Variants in ZNF69 observed in about 807,000 individuals in gnomAD.
ZNF69 encodes the protein zinc finger protein 69, also known as ZNF3.
Under a neutral mutation model 50.9 loss-of-function variants are expected in ZNF69, and 47 were observed. That is an observed-to-expected ratio of 0.92 (90% CI 0.73 to 1.18). ZNF69 has a LOEUF of 1.18. ZNF69 is among the 50% of genes most tolerant of loss of function. The pLI, the probability that ZNF69 is intolerant of heterozygous loss-of-function variation, is 0.00. For synonymous variants in ZNF69, 216 were observed against 223.1 expected, an observed-to-expected ratio of 0.97 and a Z score of 0.29; for missense variants, 717 against 675.1, an observed-to-expected ratio of 1.06 and a Z score of -0.69.
chr19:11,925,091 T>G, the ZNF69 span: 5 of 1,143,214 alleles, frequency 4.4e-6, no homozygotes, highest in East Asian at 8.4e-5. Context: ...CATCCGGAAA[T>G]GGAGGGGGTC....
At chr19:11,978,121 T>TCATAG in the ZNF69 span, 1 of 1,611,654 alleles carries the variant, frequency 6.2e-7, no homozygotes. Context: ...GACAGGAGTC[T>TCATAG]CATAGAAGGG....
the ZNF69 span, among the ~76,000 whole-genome samples, chr19:11,977,631 G>A: frequency 2.0e-5 from 3 of 152,212 alleles, no homozygotes; most frequent in Non-Finnish European, 4.4e-5. Context: ...AGTGGAGATA[G>A]GAGGATAGCT....
At chr19:11,978,370 C>T in the ZNF69 span, 3 of 1,614,142 alleles carry the variant, frequency 1.9e-6, no homozygotes, top group Non-Finnish European at 2.5e-6. Flanking sequence ...TGTCAACAAC[C>T]TAAGAAAGCC....
chr19:11,971,876 A>G, the ZNF69 span, among the ~76,000 whole-genome samples: 73 of 152,244 alleles, frequency 4.8e-4, no homozygotes, highest in Middle Eastern at 0.014. Flanking sequence ...CCAGCCTGAC[A>G]AACGTGGAGG....
At chr19:11,897,765 G>C (rs1415690486) in intron 1 of ZNF69, among the ~76,000 whole-genome samples, 1 of 150,088 alleles carries the variant, frequency 6.7e-6, no homozygotes, top group African/African-American at 2.5e-5. Context: ...CCAGCTACTC[G>C]GGAGGCTGAG....
At chr19:11,925,306 G>C in the ZNF69 span, 1 of 1,607,946 alleles carries the variant, frequency 6.2e-7, no homozygotes, top group Non-Finnish European at 8.5e-7. Flanking sequence ...CGTGAGACGG[G>C]GGAGGGGCTG....
At chr19:11,904,024 T>C in intron 3 of ZNF69, 59 bp downstream of exon 3, 2 of 1,543,322 alleles carry the variant, frequency 1.3e-6, no homozygotes, top group Non-Finnish European at 1.8e-6. Flanking sequence ...AATATGACAA[T>C]ATATTAAAAA....
the ZNF69 span, among the ~76,000 whole-genome samples, chr19:11,970,544 A>G: frequency 6.6e-6 from 1 of 152,250 alleles, no homozygotes; most frequent in Non-Finnish European, 1.5e-5. Flanking sequence ...TAGTAGATTG[A>G]TTATTCTCCT....
the ZNF69 span, among the ~76,000 whole-genome samples, chr19:11,951,084 G>C: frequency 6.8e-6 from 1 of 146,130 alleles, no homozygotes; most frequent in Non-Finnish European, 1.5e-5. Context: ...CTGGGAGGCG[G>C]AGGTTGCAGT....
chr19:11,910,741 A>C (rs1052292686), downstream of ZNF69, among the ~76,000 whole-genome samples: 11 of 152,114 alleles, frequency 7.2e-5, no homozygotes, highest in African/African-American at 1.4e-4. Context: ...CTAGGCAGTA[A>C]CATTCAGGAC....
chr19:11,955,894 T>C, the ZNF69 span, among the ~76,000 whole-genome samples: 2 of 152,288 alleles, frequency 1.3e-5, no homozygotes, highest in African/African-American at 4.8e-5. Flanking sequence ...TGCTTTGTTA[T>C]GGAAATCATA....
intron 1 of ZNF69, among the ~76,000 whole-genome samples, chr19:11,901,998 T>G (rs1972255639): frequency 1.4e-5 from 2 of 146,492 alleles, no homozygotes; most frequent in Admixed American, 1.3e-4. Flanking sequence ...TTTTTTTTTT[T>G]GAATCGGAGT....
chr19:11,949,028 A>C, the ZNF69 span: 3 of 1,607,304 alleles, frequency 1.9e-6, no homozygotes, highest in Admixed American at 5.2e-5. Context: ...AAACCGTATG[A>C]ATGTAAGCAA....
Position 11,906,186 on chromosome 19 carries a change from A to G in ZNF69, c.*88A>G. 1.3e-6 allele frequency: 2 copies of G among 1,559,450 alleles called. No homozygotes were observed. Among genetic ancestry groups the G allele is most frequent in the Admixed American group, 4.2e-5 (2 of 47,920 alleles). On this transcript the variant is annotated 3_prime_UTR_variant, in exon 4 of 4. Coordinates refer to ENST00000429654, the MANE Select transcript of ZNF69 (RefSeq NM_001364730.1). ...ACCATGAATGTAAAGAATGTGGGAA[A>G]CCCTTCAGGTCTGCCCAGAACCTTC...
At chr19:11,950,004 CTCT>C in the ZNF69 span, 1 of 1,613,910 alleles carries the variant, frequency 6.2e-7, no homozygotes. Flanking sequence ...TCTGTAAATT[CTCT>C]TCTTTTCAAA....
intron 1 of ZNF69, among the ~76,000 whole-genome samples, chr19:11,891,851 G>A (rs1977096797): frequency 6.6e-6 from 1 of 152,100 alleles, no homozygotes; most frequent in South Asian, 2.1e-4. Flanking sequence ...AGATGGAGCT[G>A]AACTTAAATT....
the ZNF69 span, chr19:11,978,055 A>G: frequency 1.3e-6 from 2 of 1,572,058 alleles, no homozygotes; most frequent in Non-Finnish European, 1.7e-6. Flanking sequence ...TGCAAGTGCA[A>G]TACTTGATTA....
downstream of ZNF69, among the ~76,000 whole-genome samples, chr19:11,918,998 C>T (rs1167342160): frequency 3.3e-5 from 5 of 151,862 alleles, no homozygotes; most frequent in Non-Finnish European, 5.9e-5. Flanking sequence ...CGGGTTCACG[C>T]CATTCTCCTG....
the ZNF69 span, among the ~76,000 whole-genome samples, chr19:11,938,393 C>G: frequency 4.6e-5 from 7 of 152,146 alleles, no homozygotes; most frequent in Non-Finnish European, 1.0e-4. Flanking sequence ...CTTCCCCCTA[C>G]CCCATGACAG....
Sources: gnomAD v4.1 joint callset for allele counts (sites outside exome capture counted in the v4.1 genomes callset) on GRCh38, gnomAD v4.1.1 for gene constraint, MANE v1.5 for transcripts, NCBI Gene and HGNC (gene_info 2026-07-23, HGNC 2026-07-21) for gene names.